Variants in PPME1 observed in about 807,000 individuals in gnomAD.
The protein encoded by PPME1 is protein phosphatase methylesterase 1.
Under a neutral mutation model 56.9 loss-of-function variants are expected in PPME1, and 17 were observed. That is an observed-to-expected ratio of 0.30 (90% confidence interval 0.20 to 0.45). The LOEUF (loss-of-function observed/expected upper bound fraction) is 0.45. Ranked by LOEUF, PPME1 falls within the 20% of genes least tolerant of loss-of-function variation. The probability of loss-of-function intolerance (pLI) is 1.00; values close to 1 mark genes in which losing one functional copy is unlikely to be tolerated. For missense variants in PPME1, 357 were observed against 483.2 expected, an observed-to-expected ratio of 0.74 and a Z score of 2.45; for synonymous variants, 122 against 156.2, an observed-to-expected ratio of 0.78 and a Z score of 1.63.
At chr11:74,188,796 A>G (rs1371788960) in intron 1 of PPME1, among the ~76,000 whole-genome samples, 2 of 152,196 alleles carry the variant, frequency 1.3e-5, no homozygotes, top group Non-Finnish European at 2.9e-5. Context: ...TTATCCCACT[A>G]AAGATGTGCA....
In PPME1 at chr11:74,225,226, C is replaced by G; in HGVS notation, c.368C>G (p.Pro123Arg). ...TTAGGTGAAACAAAGGTCAAGAATCCTGAAGATCTGTCTGCAGAAACAATG... is the reference window on the plus strand; with the variant it reads ...TTAGGTGAAACAAAGGTCAAGAATCGTGAAGATCTGTCTGCAGAAACAATG... Reference protein sequence around the residue: ...RSHGETKVKNPEDLSAETMAK... With the variant: ...RSHGETKVKNREDLSAETMAK... The change falls in exon 5 of 14, where the codon CCT becomes CGT. Residue 123 changes from proline to arginine, a missense_variant. Coordinates refer to ENST00000328257, the MANE Select transcript of PPME1 (RefSeq NM_016147.3). The G allele has an allele frequency of 3.8e-6, 6 of 1,568,318 alleles. No individual in the cohort carries two copies. The highest frequency in any genetic ancestry group is 5.2e-6 in the Non-Finnish European group (6 of 1,154,712).
In PPME1 at chr11:74,251,631, ATC is replaced by A. The variant is rs1565398249; in HGVS notation, c.1075-12_1075-11del. ...CACTAACCTTTATATGGCCTGGAAT[ATC>A]TCTCCCATTTCCAGGTAGCTGAAGC... On this transcript the variant is annotated splice_polypyrimidine_tract_variant and intron_variant, in intron 12 of 13. Transcript: ENST00000328257. The A allele has an allele frequency of 1.2e-6, 2 of 1,612,142 alleles. No homozygotes were observed. Among genetic ancestry groups the A allele is most frequent in the Non-Finnish European group, 1.7e-6 (2 of 1,179,192 alleles).
intron 5 of PPME1, among the ~76,000 whole-genome samples, chr11:74,229,490 T>C (rs974204388): frequency 6.6e-6 from 1 of 152,208 alleles, no homozygotes; most frequent in Admixed American, 6.5e-5. Context: ...AATTAGACTT[T>C]GTTAAATAGG....
chr11:74,239,958 ATTTT>A (rs760748505), intron 9 of PPME1, among the ~76,000 whole-genome samples: 3 of 89,918 alleles, frequency 3.3e-5, no homozygotes, highest in Non-Finnish European at 7.1e-5. Context: ...TTTTCTTTCC[ATTTT>A]TTTTTTTTTT....
chr11:74,207,298 C>T (rs1294566091), intron 3 of PPME1, among the ~76,000 whole-genome samples: 3 of 152,228 alleles, frequency 2.0e-5, no homozygotes, highest in Non-Finnish European at 4.4e-5. Flanking sequence ...CTGAGTAGAA[C>T]TCCTTTTCCA....
intron 1 of PPME1, among the ~76,000 whole-genome samples, chr11:74,172,305 G>C (rs2135584831): frequency 6.6e-6 from 1 of 151,952 alleles, no homozygotes; most frequent in Non-Finnish European, 1.5e-5. Context: ...AAGGGAGAGA[G>C]AAGAAGGAGA....
At chr11:74,174,619 G>A (rs947801077) in intron 1 of PPME1, among the ~76,000 whole-genome samples, 1 of 151,870 alleles carries the variant, frequency 6.6e-6, no homozygotes, top group Admixed American at 6.5e-5. Context: ...GCATATTCAG[G>A]GTGCATATTC....
intron 1 of PPME1, among the ~76,000 whole-genome samples, chr11:74,181,617 A>G (rs561212959): frequency 2.6e-4 from 39 of 152,344 alleles, no homozygotes; most frequent in African/African-American, 9.4e-4. Flanking sequence ...ACTGTAACAC[A>G]GTTAAATGTT....
At chr11:74,180,581 G>T (rs1222521641) in intron 1 of PPME1, among the ~76,000 whole-genome samples, 1 of 152,180 alleles carries the variant, frequency 6.6e-6, no homozygotes, top group Non-Finnish European at 1.5e-5. Flanking sequence ...GTTACTTTGA[G>T]ATTTAAAATA....
At chr11:74,211,573 T>C (rs955890005) in intron 3 of PPME1, among the ~76,000 whole-genome samples, 1 of 152,160 alleles carries the variant, frequency 6.6e-6, no homozygotes, top group Non-Finnish European at 1.5e-5. Flanking sequence ...CTTCTTAAAC[T>C]TAGCCAAAAG....
intron 8 of PPME1, among the ~76,000 whole-genome samples, chr11:74,236,545 GCTTA>G (rs1385607964): frequency 6.6e-6 from 1 of 152,180 alleles, no homozygotes; most frequent in African/African-American, 2.4e-5. Context: ...GGCTTTGAGT[GCTTA>G]CTATTTGCCA....
At chr11:74,251,603 C>T (rs762542606) in intron 12 of PPME1, 45 bp from the exon 13 acceptor site, 16 of 1,602,234 alleles carry the variant, frequency 1.0e-5, no homozygotes, top group Non-Finnish European at 1.3e-5. Context: ...GGCTAAGCCC[C>T]ATCACTAACC....
chr11:74,185,768 A>G (rs1193972496), intron 1 of PPME1, among the ~76,000 whole-genome samples: 2 of 152,020 alleles, frequency 1.3e-5, no homozygotes, highest in African/African-American at 4.8e-5. Context: ...AATTTAGGCA[A>G]AGTACAATTC....
intron 11 of PPME1, 126 bp downstream of exon 11, chr11:74,247,249 C>A: frequency 1.4e-6 from 1 of 713,992 alleles, no homozygotes; most frequent in Non-Finnish European, 2.4e-6. Flanking sequence ...CCAAGTTGGA[C>A]ATCCGCCTCT....
chr11:74,235,726 C>G, intron 7 of PPME1, 175 bp from the exon 8 acceptor site: 1 of 1,012,650 alleles, frequency 9.9e-7, no homozygotes. Context: ...TTAATTTTTA[C>G]TTATAAAACC....
intron 1 of PPME1, among the ~76,000 whole-genome samples, chr11:74,173,968 G>A (rs78791499): frequency 0.064 from 9,786 of 152,190 alleles, 768 homozygotes; most frequent in African/African-American, 0.19. Context: ...ATATATTGGC[G>A]AATATTTGTG....
intron 7 of PPME1, among the ~76,000 whole-genome samples, chr11:74,231,218 T>C (rs1859058388): frequency 6.6e-6 from 1 of 152,126 alleles, no homozygotes; most frequent in Admixed American, 6.5e-5. Context: ...CCACCAAGCC[T>C]GGCTAATTTT....
chr11:74,211,401 A>G (rs17132837), intron 3 of PPME1, among the ~76,000 whole-genome samples: 15,208 of 152,216 alleles, frequency 0.1, 2,101 homozygotes, highest in African/African-American at 0.32. Flanking sequence ...CTAAAAGTCT[A>G]TCAGTTAATA....
chr11:74,229,978 C>G (rs1424557774), intron 5 of PPME1, among the ~76,000 whole-genome samples: 1 of 152,150 alleles, frequency 6.6e-6, no homozygotes, highest in East Asian at 1.9e-4. Flanking sequence ...ATATGTGGAA[C>G]AGTGAAAGTG....
Sources: allele counts gnomAD v4.1 joint callset (sites outside exome capture counted in the v4.1 genomes callset), GRCh38; gene constraint gnomAD v4.1.1; transcripts MANE v1.5; gene names NCBI Gene and HGNC (gene_info 2026-07-23, HGNC 2026-07-21).